The following SLC35B3 variants were observed in gnomAD, a reference collection of about 807,000 sequenced individuals.
SLC35B3 encodes the protein adenosine 3'-phospho 5'-phosphosulfate transporter 2.
Under a neutral mutation model 44.1 loss-of-function variants are expected in SLC35B3, and 35 were observed. The observed-to-expected ratio is 0.79, with a 90% CI of 0.61 to 1.05. The LOEUF (loss-of-function observed/expected upper bound fraction) is 1.05, where lower values mean the gene tolerates loss of function less well. Ranked by LOEUF, SLC35B3 falls within the 50% of genes least tolerant of loss-of-function variation. The pLI, the probability that SLC35B3 is intolerant of heterozygous loss-of-function variation, is 0.00. For missense variants in SLC35B3, 414 were observed against 476.4 expected (o/e 0.87, Z 1.22); for synonymous variants, 146 against 167.3 (o/e 0.87, Z 0.98).
Position 8,435,481 on chromosome 6 carries a change from C to A in SLC35B3, c.-182G>T. On this transcript the variant is annotated 5_prime_UTR_variant, in exon 1 of 11. Coordinates refer to ENST00000644923, the MANE Select transcript of SLC35B3 (RefSeq NM_001370476.2). This position sits in a 1 kb window ranked among gnomAD's most constrained non-coding sequence, Gnocchi z 5.5. ...CCTCGCCCACTCCTGCACTTTCCAC[C>A]GCGGCGGTCGCCTCCCCGGAAAGCA... 1 of 1,010,570 alleles carries A rather than the reference C, an allele frequency of 9.9e-7. No homozygotes were observed. The allele number at this position is 1,010,570 out of a possible 1,614,324, so 62.6% of individuals were successfully genotyped here.
In SLC35B3 at chr6:8,434,053, A is replaced by T. The variant is rs536693110; in HGVS notation, c.3+332T>A. 7.6e-6 allele frequency among the ~76,000 whole-genome samples: 1 copy of T among 130,756 alleles called. No homozygotes were observed. Among genetic ancestry groups the T allele is most frequent in the East Asian group, 2.7e-4 (1 of 3,670 alleles). 85.8% of individuals were successfully genotyped at this position (130,756 alleles called of 152,430 possible). On this transcript the variant is annotated intron_variant, in intron 2 of 10. Transcript: ENST00000644923. The surrounding 1 kb of genome is among the most constrained non-coding windows in gnomAD (Gnocchi z 6.3). ...ACTAAAATATATATATATATATTTT[A>T]AAAATCACAGGTGTGTATAATTGCC... is the stretch of plus-strand genomic sequence containing the variant.
Position 8,430,114 on chromosome 6 carries a change from T to G in SLC35B3, c.47A>C (p.Gln16Pro). The G allele has an allele frequency of 6.2e-7, 1 of 1,611,430 alleles. No homozygotes were observed. Among genetic ancestry groups the G allele is most frequent in the Non-Finnish European group, 8.5e-7 (1 of 1,178,626 alleles). ...TTCAGAGTTATTTTTGTTGGTTTCC[T>G]GGACTGTTATGTTCTGTATGTCTTT... The change falls in exon 3 of 11, where the codon CAG becomes CCG. Residue 16 changes from glutamine to proline, a missense_variant. Physicochemically the swap from Gln to Pro is moderately conservative, Grantham distance 76. Transcript: ENST00000644923.
intron 3 of SLC35B3, among the ~76,000 whole-genome samples, chr6:8,428,740 G>A (rs540534482): frequency 1.3e-3 from 201 of 152,142 alleles, no homozygotes; most frequent in African/African-American, 4.4e-3. Flanking sequence ...AAGCTATTTG[G>A]TAACAGTGGT....
Position 8,417,382 on chromosome 6 carries a change from TA to T in SLC35B3, c.873+19del. 2 of 1,439,926 alleles carry T rather than the reference TA, an allele frequency of 1.4e-6. No homozygotes were observed. Among genetic ancestry groups the T allele is most frequent in the African/African-American group, 1.4e-5 (1 of 69,720 alleles). The allele number at this position is 1,439,926 out of a possible 1,614,324, so 89.2% of individuals were successfully genotyped here. On this transcript the variant is annotated intron_variant, in intron 8 of 10. Coordinates refer to ENST00000644923, the MANE Select transcript of SLC35B3 (RefSeq NM_001370476.2). ...TTATTTAACAGAAGATTTTTTTTTT[TA>T]AATGTGATTAGTGTTTACCTTTGCA...
At position 8,416,889 on chromosome 6, in the gene SLC35B3, A is replaced by G; in HGVS notation, c.980T>C (p.Val327Ala). ...AGCAAGTAAATCCCTCCTACCTGTT[A>G]CAGCAATAAGTGCACCAAAAATTTT... Residue 327 changes from valine to alanine, a missense_variant, in exon 9 of 11, where the codon GTA (valine) becomes GCA (alanine). Physicochemically the swap from Val to Ala is moderately conservative, Grantham distance 64 (BLOSUM62 0). Coordinates refer to ENST00000644923, the MANE Select transcript of SLC35B3 (RefSeq NM_001370476.2). 4 of 1,514,544 alleles carry G rather than the reference A, an allele frequency of 2.6e-6. No individual in the cohort carries two copies. Among genetic ancestry groups the G allele is most frequent in the Non-Finnish European group, 2.7e-6 (3 of 1,105,654 alleles). 93.8% of individuals were successfully genotyped at this position (1,514,544 alleles called of 1,614,324 possible).
In SLC35B3 at chr6:8,420,831, G is replaced by A. The variant is rs762774206; in HGVS notation, c.575-3C>T. The A allele has an allele frequency of 1.2e-6, 2 of 1,602,862 alleles. No homozygotes were observed. Among genetic ancestry groups the A allele is most frequent in the South Asian group, 1.1e-5 (1 of 89,526 alleles). On this transcript the variant is annotated splice_region_variant and splice_polypyrimidine_tract_variant and intron_variant, in intron 5 of 10. Transcript: ENST00000644923. The surrounding 1 kb of genome is among the most constrained non-coding windows in gnomAD (Gnocchi z 4.4). ...ATCTGCAACATTATAACGCTTTCCT[G>A]TATAAAACAAACGTAAGTCCACTTC...
chr6:8,424,842 C>A (rs1467565810), intron 4 of SLC35B3, among the ~76,000 whole-genome samples: 1 of 152,098 alleles, frequency 6.6e-6, no homozygotes, highest in Non-Finnish European at 1.5e-5. Context: ...ACTCCAAATT[C>A]TCAACGAGTA....
rs1384379000 is a variant in SLC35B3, at chr6:8,432,488, T to C, written c.3+1897A>G. ...AGCATATTGTAATGACTCAATACAA[T>C]TATAGGTAATAGTATAAGAAAGCAG... On this transcript the variant is annotated intron_variant, in intron 2 of 10. Transcript: ENST00000644923. This position sits in a 1 kb window ranked among gnomAD's most constrained non-coding sequence, Gnocchi z 4.8. Among the ~76,000 whole-genome samples the C allele has an allele frequency of 6.6e-6, 1 of 152,054 alleles. No individual in the cohort carries two copies. The highest frequency in any genetic ancestry group is 2.4e-5 in the African/African-American group (1 of 41,414).
At chr6:8,430,236 A>T (rs1010388350) in intron 2 of SLC35B3, 79 bp from the exon 2 acceptor site, 9 of 1,273,108 alleles carry the variant, frequency 7.1e-6, no homozygotes, top group Non-Finnish European at 9.7e-6. Context: ...TCATACTTTA[A>T]AGTTATACAA....
At chr6:8,423,270 C>T (rs1383350967) in intron 4 of SLC35B3, among the ~76,000 whole-genome samples, 1 of 152,132 alleles carries the variant, frequency 6.6e-6, no homozygotes, top group Admixed American at 6.6e-5. Context: ...ATACATCTAT[C>T]CATTCTGCTA....
chr6:8,415,870 T>C (rs1051441318), intron 9 of SLC35B3, among the ~76,000 whole-genome samples: 128 of 152,178 alleles, frequency 8.4e-4, no homozygotes, highest in African/African-American at 3.1e-3. Context: ...TCTCGGAGTA[T>C]GGCTTTTAGG....
intron 9 of SLC35B3, 31 bp from the exon 9 acceptor site, chr6:8,415,008 G>A (rs761053695): frequency 7.1e-7 from 1 of 1,400,270 alleles, no homozygotes; most frequent in Non-Finnish European, 1.0e-6. Flanking sequence ...TTTAGAATGT[G>A]CCTATTATCT....
chr6:8,426,256 G>A (rs1763399642), intron 4 of SLC35B3, among the ~76,000 whole-genome samples: 1 of 152,054 alleles, frequency 6.6e-6, no homozygotes, highest in Non-Finnish European at 1.5e-5. Context: ...TTGGGGAATG[G>A]GACACAGGTC....
chr6:8,416,816 T>A (rs920247144), intron 9 of SLC35B3, 68 bp downstream of exon 8: 15 of 703,410 alleles, frequency 2.1e-5, no homozygotes, highest in Non-Finnish European at 3.2e-5. Flanking sequence ...GCCCTTATGT[T>A]TTGAAAAAGA....
In SLC35B3 at chr6:8,435,303, T is replaced by G; in HGVS notation, c.-44+40A>C. On this transcript the variant is annotated intron_variant, in intron 1 of 10. Transcript: ENST00000644923. The surrounding 1 kb of genome is among the most constrained non-coding windows in gnomAD (Gnocchi z 5.5). ...AAGGTTTTCTGGAGGAGAGGAGATCTGGGTCCCAAACACAGGAAAGGCCCC... is the reference window on the plus strand; with the variant it reads ...AAGGTTTTCTGGAGGAGAGGAGATCGGGGTCCCAAACACAGGAAAGGCCCC... 1 of 1,289,348 alleles carries G rather than the reference T, an allele frequency of 7.8e-7. No homozygotes were observed. Among genetic ancestry groups the G allele is most frequent in the Non-Finnish European group, 1.0e-6 (1 of 988,858 alleles). The allele number at this position is 1,289,348 out of a possible 1,614,324, so 79.9% of individuals were successfully genotyped here.
chr6:8,429,550 A>G (rs6926712), intron 3 of SLC35B3, among the ~76,000 whole-genome samples: 75,780 of 152,028 alleles, frequency 0.5, 19,807 homozygotes, highest in African/African-American at 0.68. Flanking sequence ...ATTCAATAAT[A>G]TTCCAAGATA....
intron 9 of SLC35B3, among the ~76,000 whole-genome samples, chr6:8,415,481 G>A (rs533642230): frequency 4.3e-4 from 65 of 152,160 alleles, no homozygotes; most frequent in African/African-American, 1.3e-3. Flanking sequence ...CTGCTGTAAC[G>A]CTGGAAGCCT....
At chr6:8,425,381 T>C (rs1358022253) in intron 4 of SLC35B3, among the ~76,000 whole-genome samples, 2 of 152,182 alleles carry the variant, frequency 1.3e-5, no homozygotes, top group Non-Finnish European at 2.9e-5. Flanking sequence ...TTACCTATTC[T>C]ATCACCTATG....
At chr6:8,423,920 C>T (rs1288423298) in intron 4 of SLC35B3, among the ~76,000 whole-genome samples, 1 of 152,110 alleles carries the variant, frequency 6.6e-6, no homozygotes, top group African/African-American at 2.4e-5. Flanking sequence ...TGGTGGAGCA[C>T]CACTTCGCCA....
Sources: allele counts gnomAD v4.1 joint callset (sites outside exome capture counted in the v4.1 genomes callset), GRCh38; gene constraint gnomAD v4.1.1; non-coding constraint Gnocchi (gnomAD v3.1); transcripts MANE v1.5; gene names NCBI Gene and HGNC (gene_info 2026-07-23, HGNC 2026-07-21).